CARMIL1: variants seen among roughly 807,000 people sequenced by gnomAD.
CARMIL1 encodes F-actin-uncapping protein LRRC16A.
Under a neutral mutation model 177.1 loss-of-function variants are expected in CARMIL1, and 90 were observed. That is an observed-to-expected ratio of 0.51 (90% CI 0.43 to 0.61). CARMIL1 has a LOEUF of 0.61. CARMIL1 is among the 20% of genes least tolerant of loss of function. The probability of loss-of-function intolerance (pLI) is 0.00; values close to 1 mark genes in which losing one functional copy is unlikely to be tolerated. For synonymous variants in CARMIL1, 577 were observed against 606.2 expected (o/e 0.95, Z 0.71); for missense variants, 1,380 against 1,667.0 (o/e 0.83, Z 3.00).
chr6:25,588,326 A>G lies in CARMIL1; in HGVS notation c.3007-6089A>G, dbSNP rs550941451. ...ATTTTGGAGTTTATTTCTTGTTCAT[A>G]TCATAGTCCATTATGGGTATTTCTG... On this transcript the variant is annotated intron_variant, in intron 31 of 36. Coordinates refer to ENST00000329474, the MANE Select transcript of CARMIL1 (RefSeq NM_017640.6). Among the ~76,000 whole-genome samples the G allele has an allele frequency of 3.3e-5, 5 of 152,286 alleles. No homozygotes were observed. The South Asian group carries it at 8.3e-4, about 25-fold the overall frequency.
intron 24 of CARMIL1, among the ~76,000 whole-genome samples, chr6:25,535,016 GA>G (rs1808149182): frequency 6.6e-6 from 1 of 152,196 alleles, no homozygotes; most frequent in East Asian, 1.9e-4. Context: ...CAGTATATCT[GA>G]AAAAGCCTAG....
chr6:25,491,887 A>G lies in CARMIL1; in HGVS notation c.1144-61A>G, dbSNP rs139923766. The G allele has an allele frequency of 6.6e-3, 10,344 of 1,565,236 alleles. 110 individuals are homozygous for G. The highest frequency in any genetic ancestry group is 0.028 in the South Asian group (2,446 of 88,814). ...TTAGATGGGATGTAGGGGACCTCTA[A>G]TAAAAGATTCTCCTGGACCTAGAAA... On this transcript the variant is annotated intron_variant, in intron 14 of 36. Coordinates refer to ENST00000329474, the MANE Select transcript of CARMIL1 (RefSeq NM_017640.6).
intron 31 of CARMIL1, among the ~76,000 whole-genome samples, chr6:25,590,331 T>G (rs1307495204): frequency 6.6e-6 from 1 of 152,216 alleles, no homozygotes; most frequent in African/African-American, 2.4e-5. Context: ...GTTATAACAT[T>G]TTTAGTCATG....
chr6:25,617,894 G>T (rs1416458154), intron 36 of CARMIL1, among the ~76,000 whole-genome samples: 1 of 152,156 alleles, frequency 6.6e-6, no homozygotes, highest in Non-Finnish European at 1.5e-5. Flanking sequence ...GACAGAGCAA[G>T]ACCCTGTTTC....
At position 25,500,325 on chromosome 6, in the gene CARMIL1, A is replaced by C. The variant is rs1010444310; in HGVS notation, c.1395+90A>C. On this transcript the variant is annotated intron_variant, in intron 17 of 36. Coordinates refer to ENST00000329474, the MANE Select transcript of CARMIL1 (RefSeq NM_017640.6). ...GGATAAAATTTGATACTGTGATTCC[A>C]CAGGGTGTAAATGAAGCAGAAAAAT... The C allele has an allele frequency of 6.5e-6, 7 of 1,077,886 alleles. No individual in the cohort carries two copies. The African/African-American group carries it at 9.3e-5, about 14-fold the overall frequency. The allele number at this position is 1,077,886 out of a possible 1,614,324, so 66.8% of individuals were successfully genotyped here. A position where few individuals can be genotyped will look rare whatever the true frequency, so the allele number is the denominator to read the frequency against.
At chr6:25,427,745 C>A (rs1796399728) in intron 4 of CARMIL1, among the ~76,000 whole-genome samples, 1 of 152,158 alleles carries the variant, frequency 6.6e-6, no homozygotes, top group South Asian at 2.1e-4. Context: ...TTAATGTTAG[C>A]CATTCAACAA....
chr6:25,532,081 T>C (rs1807814985), intron 24 of CARMIL1, among the ~76,000 whole-genome samples: 1 of 151,622 alleles, frequency 6.6e-6, no homozygotes, highest in African/African-American at 2.4e-5. Context: ...CAAGACTTCT[T>C]TTCTTTTCTT....
chr6:25,570,090 G>C (rs1448978513), intron 29 of CARMIL1, among the ~76,000 whole-genome samples: 4 of 152,084 alleles, frequency 2.6e-5, no homozygotes, highest in Non-Finnish European at 5.9e-5. Flanking sequence ...TCAGCCTCCA[G>C]AGTACCTGGG....
intron 3 of CARMIL1, among the ~76,000 whole-genome samples, chr6:25,425,171 G>A (rs746586327): frequency 2.0e-5 from 3 of 152,088 alleles, no homozygotes; most frequent in Non-Finnish European, 2.9e-5. Context: ...CAAAACAAAC[G>A]TCTCAGTACT....
Position 25,482,964 on chromosome 6 carries a change from T to A in CARMIL1, c.961+621T>A, listed in dbSNP as rs113231244. Among the ~76,000 whole-genome samples, 629 of 151,842 alleles carry A rather than the reference T, an allele frequency of 4.1e-3. 2 individuals are homozygous for A. Among genetic ancestry groups the A allele is most frequent in the African/African-American group, 0.014 (578 of 41,444 alleles). ...ACATTTTGCCCTGGATGCCTGAAAATTTTTTTTTAATCCCCAAATAGAGAG... is the reference window on the plus strand; with the variant it reads ...ACATTTTGCCCTGGATGCCTGAAAAATTTTTTTTAATCCCCAAATAGAGAG... On this transcript the variant is annotated intron_variant, in intron 12 of 36. Coordinates refer to ENST00000329474, the MANE Select transcript of CARMIL1 (RefSeq NM_017640.6).
chr6:25,343,928 C>T (rs78283602), intron 2 of CARMIL1, among the ~76,000 whole-genome samples: 1,641 of 152,238 alleles, frequency 0.011, 29 homozygotes, highest in African/African-American at 0.034. Flanking sequence ...TCTCCTGAAA[C>T]GCCACCTCCT....
chr6:25,382,695 TGGCA>T (rs1490283911), intron 2 of CARMIL1, among the ~76,000 whole-genome samples: 1 of 152,166 alleles, frequency 6.6e-6, no homozygotes, highest in Non-Finnish European at 1.5e-5. Context: ...TACAATCCTT[TGGCA>T]AGACACAGGG....
intron 2 of CARMIL1, among the ~76,000 whole-genome samples, chr6:25,413,663 A>G (rs1263014728): frequency 1.3e-5 from 2 of 152,218 alleles, no homozygotes; most frequent in Non-Finnish European, 2.9e-5. Flanking sequence ...GGCAGAGGAA[A>G]TTCATTACAG....
intron 2 of CARMIL1, among the ~76,000 whole-genome samples, chr6:25,366,137 T>A (rs1329149694): frequency 6.6e-6 from 1 of 151,462 alleles, no homozygotes; most frequent in East Asian, 1.9e-4. Flanking sequence ...GGATTACAAG[T>A]GTGTACTACC....
At position 25,426,536 on chromosome 6, in the gene CARMIL1, C is replaced by T. The variant is rs199535879; in HGVS notation, c.225C>T (p.Gly75=). ...CCTTCAGCTACTTGGAGATTCATGG[C>T]GTCGTTTGCAGCAAGTCAGCTCAGG... ...ELTFSYLEIH[G]VVCSKSAQMI... Residue 75 remains glycine, a synonymous_variant, in exon 4 of 37, where the codon GGC becomes GGT. Transcript: ENST00000329474. The T allele has an allele frequency of 4.1e-4, 661 of 1,611,766 alleles. 3 individuals carry two copies. Among genetic ancestry groups the T allele is most frequent in the African/African-American group, 2.5e-4 (19 of 74,718 alleles).
chr6:25,302,611 G>A (rs1782948004), intron 2 of CARMIL1, among the ~76,000 whole-genome samples: 2 of 152,126 alleles, frequency 1.3e-5, no homozygotes, highest in African/African-American at 2.4e-5. Flanking sequence ...TTTTAAGCCC[G>A]AGCTGCTTTC....
intron 36 of CARMIL1, among the ~76,000 whole-genome samples, chr6:25,617,929 AATG>A (rs1398495084): frequency 6.6e-6 from 1 of 152,196 alleles, no homozygotes; most frequent in Non-Finnish European, 1.5e-5. Flanking sequence ...AATAGAAATC[AATG>A]ATAATATTTG....
At chr6:25,588,081 T>C (rs1434079733) in intron 31 of CARMIL1, among the ~76,000 whole-genome samples, 1 of 152,232 alleles carries the variant, frequency 6.6e-6, no homozygotes, top group Non-Finnish European at 1.5e-5. Flanking sequence ...GTATTAGGTA[T>C]TATAAGTAAT....
At chr6:25,452,002 C>CCCCCCCCCCA in intron 8 of CARMIL1, 5 of 258,928 alleles carry the variant, frequency 1.9e-5, no homozygotes, top group South Asian at 3.9e-5. Context: ...CCCTCCCCCC[C>CCCCCCCCCCA]CCAGAATACT....
Sources: gnomAD v4.1 joint callset for allele counts (sites outside exome capture counted in the v4.1 genomes callset) on GRCh38, gnomAD v4.1.1 for gene constraint, MANE v1.5 for transcripts, NCBI Gene and HGNC (gene_info 2026-07-23, HGNC 2026-07-21) for gene names.